The following NPAS3 variants were observed in gnomAD, a reference collection of about 807,000 sequenced individuals.
The protein encoded by NPAS3 is neuronal PAS domain protein 3.
A neutral mutation model predicts 73.1 loss-of-function variants in NPAS3; 14 were observed. The observed-to-expected ratio is 0.19, with a 90% CI of 0.13 to 0.30. The LOEUF is 0.30. Among genes scored for constraint, NPAS3 ranks in the 10% least tolerant of loss-of-function variants. NPAS3 has a pLI of 1.00. For synonymous variants in NPAS3, 620 were observed against 541.5 expected (o/e 1.14, Z -2.01); for missense variants, 1,096 against 1,250.0 (o/e 0.88, Z 1.86).
intron 5 of NPAS3, chr14:33,583,311 A>G (rs959371190): frequency 3.3e-5 from 5 of 152,210 alleles, no homozygotes; most frequent in Admixed American, 1.3e-4. Flanking sequence ...TCGCACCTAC[A>G]GTGTATCTGG....
intron 3 of NPAS3, among the ~76,000 whole-genome samples, chr14:33,326,817 G>C (rs997170026): frequency 6.6e-6 from 1 of 152,168 alleles, no homozygotes; most frequent in African/African-American, 2.4e-5. Context: ...AATTTCCAGA[G>C]ATACTGAGCT....
chr14:33,775,320 C>T (rs2062778541), intron 8 of NPAS3, among the ~76,000 whole-genome samples: 1 of 152,148 alleles, frequency 6.6e-6, no homozygotes, highest in Non-Finnish European at 1.5e-5. Context: ...TCTGGCGATA[C>T]TATCCTTCCC....
chr14:33,147,588 T>TGGGAGG (rs2044278948), intron 2 of NPAS3, among the ~76,000 whole-genome samples: 1 of 140,656 alleles, frequency 7.1e-6, no homozygotes, highest in Non-Finnish European at 1.5e-5. Flanking sequence ...TGTTGTGGGG[T>TGGGAGG]CGGGGGAGGG....
chr14:33,630,000 G>A (rs747866926), intron 5 of NPAS3, among the ~76,000 whole-genome samples: 1 of 152,040 alleles, frequency 6.6e-6, no homozygotes, highest in African/African-American at 2.4e-5. Context: ...CTCAAGAGAG[G>A]GTATTTAGCT....
intron 6 of NPAS3, among the ~76,000 whole-genome samples, chr14:33,723,737 A>G (rs2061182999): frequency 6.6e-6 from 1 of 151,918 alleles, no homozygotes; most frequent in Admixed American, 6.6e-5. Flanking sequence ...AAGAAAAGAA[A>G]AGAAAAAAGA....
At chr14:33,405,786 AG>A (rs2047639653) in intron 4 of NPAS3, among the ~76,000 whole-genome samples, 1 of 152,168 alleles carries the variant, frequency 6.6e-6, no homozygotes, top group African/African-American at 2.4e-5. Flanking sequence ...ACACCATCCC[AG>A]CACTCAGTTT....
At chr14:33,020,551 C>A (rs1054701183) in intron 1 of NPAS3, among the ~76,000 whole-genome samples, 1 of 152,088 alleles carries the variant, frequency 6.6e-6, no homozygotes, top group Non-Finnish European at 1.5e-5. Context: ...TATGTCATGC[C>A]CATTTTTTGG....
intron 5 of NPAS3, among the ~76,000 whole-genome samples, chr14:33,569,067 C>T (rs569697489): frequency 1.3e-5 from 2 of 152,242 alleles, no homozygotes; most frequent in East Asian, 1.9e-4. Context: ...ATATGGCTTT[C>T]GTGCCTACTG....
chr14:33,756,115 C>T (rs1212250617), intron 7 of NPAS3, among the ~76,000 whole-genome samples: 4 of 152,306 alleles, frequency 2.6e-5, no homozygotes, highest in Non-Finnish European at 4.4e-5. Flanking sequence ...AATTATCCAA[C>T]TTTGAGTTTG....
chr14:33,307,582 GT>G (rs916049323), intron 3 of NPAS3, among the ~76,000 whole-genome samples: 9 of 40,728 alleles, frequency 2.2e-4, no homozygotes, highest in Middle Eastern at 0.016. Flanking sequence ...ACCTCACCAG[GT>G]TTTTTTTCAA....
intron 3 of NPAS3, among the ~76,000 whole-genome samples, chr14:33,306,209 TA>T (rs1555371419): frequency 6.6e-6 from 1 of 152,012 alleles, no homozygotes; most frequent in Non-Finnish European, 1.5e-5. Flanking sequence ...AGGTTATTTT[TA>T]TCTCTTTCTA....
intron 3 of NPAS3, among the ~76,000 whole-genome samples, chr14:33,299,124 A>G (rs1204610039): frequency 2.0e-5 from 3 of 152,204 alleles, no homozygotes; most frequent in African/African-American, 4.8e-5. Flanking sequence ...ATCTATGTCT[A>G]TATACCAAAG....
At chr14:33,413,547 T>C (rs960045303) in intron 4 of NPAS3, among the ~76,000 whole-genome samples, 2 of 152,080 alleles carry the variant, frequency 1.3e-5, no homozygotes, top group Admixed American at 1.3e-4. Flanking sequence ...GTGTGGGGCA[T>C]CGGAAGCTGA....
rs145524391 is a variant in NPAS3 at position 33,396,427 on chromosome 14, C to T, written c.468+29159C>T. 3.9e-5 allele frequency among the ~76,000 whole-genome samples: 6 copies of T among 152,244 alleles called. No homozygotes were observed. In the East Asian group the frequency reaches 1.2e-3, roughly 29 times the overall value. On this transcript the variant is annotated intron_variant, in intron 4 of 11. Coordinates refer to ENST00000356141, the Ensembl canonical transcript of NPAS3. ...CTTATTTTGACCTTAAATACTACAG[C>T]GTTCTCTATTGGCTCCTCAATCCAT...
At chr14:33,217,063 A>AATCATGGT (rs1366824367) in intron 3 of NPAS3, among the ~76,000 whole-genome samples, 10 of 152,148 alleles carry the variant, frequency 6.6e-5, no homozygotes, top group Non-Finnish European at 1.2e-4. Context: ...GGAAACTTAC[A>AATCATGGT]ATCATGGTAG....
At chr14:33,626,289 G>T (rs574066890) in intron 5 of NPAS3, among the ~76,000 whole-genome samples, 1 of 152,188 alleles carries the variant, frequency 6.6e-6, no homozygotes, top group African/African-American at 2.4e-5. Flanking sequence ...ACTGCATGCA[G>T]TTACAATATT....
chr14:33,474,758 A>T (rs2139644904), intron 4 of NPAS3, among the ~76,000 whole-genome samples: 1 of 152,286 alleles, frequency 6.6e-6, no homozygotes, highest in East Asian at 1.9e-4. Context: ...AAGGGGAAAA[A>T]TTACAATGCC....
chr14:33,452,128 GTTTAAT>G (rs2049819400), intron 4 of NPAS3, among the ~76,000 whole-genome samples: 2 of 152,136 alleles, frequency 1.3e-5, no homozygotes, highest in Admixed American at 1.3e-4. Context: ...ATCTATATTG[GTTTAAT>G]TTTAAGTGGC....
At chr14:33,080,741 G>A (rs139482833) in intron 2 of NPAS3, among the ~76,000 whole-genome samples, 14 of 152,286 alleles carry the variant, frequency 9.2e-5, no homozygotes, top group East Asian at 1.9e-4. Flanking sequence ...GCATTGTTGC[G>A]TGAAGTGTGA....
Sources: allele counts gnomAD v4.1 joint callset (sites outside exome capture counted in the v4.1 genomes callset), GRCh38; gene constraint gnomAD v4.1.1; transcripts MANE v1.5; gene names NCBI Gene and HGNC (gene_info 2026-07-23, HGNC 2026-07-21).